GALNT14: variants seen among roughly 807,000 people sequenced by gnomAD.
The protein encoded by GALNT14 is polypeptide N-acetylgalactosaminyltransferase 14, also known as UDP-GalNAc:polypeptide N-acetylgalactosaminyltransferase 14.
In GALNT14, 60 loss-of-function variants were observed where a neutral mutation model predicts 77.5. The ratio of observed to expected loss-of-function variants is 0.77; its 90% CI spans 0.63 to 0.96. GALNT14 has a LOEUF of 0.96. GALNT14 is among the 40% of genes least tolerant of loss of function. GALNT14 has a pLI of 0.00. For missense variants in GALNT14, 710 were observed against 731.0 expected, an observed-to-expected ratio of 0.97 and a Z score of 0.33; for synonymous variants, 280 against 281.7, an observed-to-expected ratio of 0.99 and a Z score of 0.06.
At chr2:30,955,402 C>G (rs1221154921) in intron 6 of GALNT14, among the ~76,000 whole-genome samples, 1 of 152,172 alleles carries the variant, frequency 6.6e-6, no homozygotes, top group East Asian at 1.9e-4. Context: ...CAGTCCCAGT[C>G]ACAACACATC....
intron 1 of GALNT14, among the ~76,000 whole-genome samples, chr2:31,137,727 C>A (rs1267183742): frequency 6.6e-6 from 1 of 152,164 alleles, no homozygotes; most frequent in East Asian, 1.9e-4. Flanking sequence ...CAGGCGAGCG[C>A]GCGCCCACCA....
chr2:30,950,681 C>A (rs1288218155), intron 6 of GALNT14, among the ~76,000 whole-genome samples: 1 of 152,214 alleles, frequency 6.6e-6, no homozygotes, highest in Non-Finnish European at 1.5e-5. Flanking sequence ...GAGAGCTGGA[C>A]CATGGCTCCT....
chr2:30,888,908 C>T, the GALNT14 span, among the ~76,000 whole-genome samples: 5 of 151,714 alleles, frequency 3.3e-5, no homozygotes, highest in Non-Finnish European at 7.4e-5. Flanking sequence ...TTGTATTGTC[C>T]CCCCCTCCAC....
chr2:30,955,920 T>C lies in GALNT14; in HGVS notation c.524A>G (p.Glu175Gly). 6.2e-7 allele frequency: 1 copy of C among 1,613,988 alleles called. No homozygotes were observed. ...LPKVKCLRNN[E>G]RQGLVRSRIR... ...CAACAGCTCAGACCTACCTTGCCGT[T>C]CATTATTGCGCAAGCATTTCACCTT... Residue 175 changes from glutamate (E) to glycine (G), a missense_variant, in exon 5 of 15, where the codon GAA becomes GGA. Physicochemically the swap from Glu to Gly is moderately conservative, Grantham distance 98. Coordinates refer to ENST00000349752, the MANE Select transcript of GALNT14 (RefSeq NM_024572.4).
intron 6 of GALNT14, among the ~76,000 whole-genome samples, chr2:30,953,301 C>A (rs1667150028): frequency 6.8e-6 from 1 of 146,994 alleles, no homozygotes; most frequent in Non-Finnish European, 1.5e-5. Flanking sequence ...AAATAATTTC[C>A]TTCCTTTTTT....
chr2:30,963,198 G>T (rs72855216), intron 3 of GALNT14, among the ~76,000 whole-genome samples: 17 of 152,044 alleles, frequency 1.1e-4, no homozygotes. Context: ...GCTGATGGGC[G>T]CCAAGAACCC....
chr2:30,997,657 C>T (rs1453144002), intron 1 of GALNT14, among the ~76,000 whole-genome samples: 2 of 152,276 alleles, frequency 1.3e-5, no homozygotes, highest in Non-Finnish European at 2.9e-5. Flanking sequence ...TATGATGCCA[C>T]AAACAGAAAA....
intron 2 of GALNT14, among the ~76,000 whole-genome samples, chr2:30,975,177 G>T (rs74539405): frequency 0.023 from 3,554 of 152,310 alleles, 143 homozygotes; most frequent in East Asian, 0.21. Flanking sequence ...TCTGGTGTCC[G>T]TGGAGAGGTC....
downstream of GALNT14, among the ~76,000 whole-genome samples, chr2:30,909,104 C>T: frequency 6.6e-6 from 1 of 151,962 alleles, no homozygotes; most frequent in Non-Finnish European, 1.5e-5. Context: ...ACCATAAAAA[C>T]CCTAGAAGAA....
chr2:30,978,456 AAAGTTGTGAGGCTG>A (rs1668771864), intron 2 of GALNT14, among the ~76,000 whole-genome samples: 1 of 152,218 alleles, frequency 6.6e-6, no homozygotes, highest in Non-Finnish European at 1.5e-5. Context: ...GGGTCATAGC[AAAGTTGTGAGGCTG>A]AACCGAGAGA....
At chr2:30,903,212 G>C in the GALNT14 span, among the ~76,000 whole-genome samples, 2 of 152,178 alleles carry the variant, frequency 1.3e-5, no homozygotes, top group African/African-American at 4.8e-5. Flanking sequence ...TGATGACCTT[G>C]AACTAATTCC....
At chr2:31,086,595 T>C (rs1208348416) in intron 1 of GALNT14, among the ~76,000 whole-genome samples, 2 of 152,152 alleles carry the variant, frequency 1.3e-5, no homozygotes, top group Admixed American at 1.3e-4. Context: ...TACTTTTACA[T>C]ACATTAACTA....
Position 31,138,175 on chromosome 2 carries a change from C to T in GALNT14, c.-89G>A. On this transcript the variant is annotated 5_prime_UTR_variant, in exon 1 of 15. Transcript: ENST00000349752. Reference sequence around the variant, plus strand: ...TTGGCGGGGCAGGAGTCCTGGCGAGCGCCTCGCTCTGGGGAGCTCTAGACC... The same window carrying T: ...TTGGCGGGGCAGGAGTCCTGGCGAGTGCCTCGCTCTGGGGAGCTCTAGACC... The T allele has an allele frequency of 2.6e-6, 4 of 1,556,426 alleles. No homozygotes were observed. The highest frequency in any genetic ancestry group is 1.1e-5 in the South Asian group (1 of 87,802).
chr2:31,097,195 C>T (rs1305783858), intron 1 of GALNT14, among the ~76,000 whole-genome samples: 1 of 151,970 alleles, frequency 6.6e-6, no homozygotes, highest in African/African-American at 2.4e-5. Flanking sequence ...AAGGAAAATA[C>T]AAAAATGGTG....
chr2:30,987,005 A>C (rs559235497), intron 2 of GALNT14: 1 of 152,358 alleles, frequency 6.6e-6, no homozygotes, highest in South Asian at 2.1e-4. Context: ...GAATGCATTC[A>C]TCTATAATTG....
intron 10 of GALNT14, among the ~76,000 whole-genome samples, chr2:30,929,908 G>A (rs1665624649): frequency 6.6e-6 from 1 of 152,192 alleles, no homozygotes; most frequent in Non-Finnish European, 1.5e-5. Flanking sequence ...TTCCCTTGGG[G>A]ATGCTGAATA....
At chr2:31,048,545 AATAAG>A (rs1673626595) in intron 1 of GALNT14, among the ~76,000 whole-genome samples, 1 of 151,950 alleles carries the variant, frequency 6.6e-6, no homozygotes, top group African/African-American at 2.4e-5. Context: ...TGGGAGCAAA[AATAAG>A]ACAGTGCTGG....
intron 1 of GALNT14, among the ~76,000 whole-genome samples, chr2:31,080,399 G>A (rs1676085552): frequency 6.6e-6 from 1 of 152,172 alleles, no homozygotes; most frequent in Non-Finnish European, 1.5e-5. Flanking sequence ...TCAACTGGGT[G>A]TACTCTATTT....
chr2:30,980,613 A>T (rs1355903862), intron 2 of GALNT14, among the ~76,000 whole-genome samples: 1 of 152,168 alleles, frequency 6.6e-6, no homozygotes, highest in Non-Finnish European at 1.5e-5. Context: ...AGTGACAGAG[A>T]TGTTGTATGT....
Sources: gnomAD v4.1 joint callset for allele counts (sites outside exome capture counted in the v4.1 genomes callset) on GRCh38, gnomAD v4.1.1 for gene constraint, MANE v1.5 for transcripts, NCBI Gene and HGNC (gene_info 2026-07-23, HGNC 2026-07-21) for gene names.